HACD2: variants seen among roughly 807,000 people sequenced by gnomAD.
HACD2 encodes 3-hydroxyacyl-CoA dehydratase 2.
Under a neutral mutation model 31.0 loss-of-function variants are expected in HACD2, and 15 were observed. The observed-to-expected ratio is 0.48, with a 90% CI of 0.32 to 0.75. The LOEUF (loss-of-function observed/expected upper bound fraction) is 0.75. HACD2 is among the 30% of genes least tolerant of loss of function. The pLI is 0.03. For missense variants in HACD2, 283 were observed against 313.0 expected (o/e 0.90, Z 0.72); for synonymous variants, 115 against 122.2 (o/e 0.94, Z 0.39).
chr3:123,554,836 C>CA (rs2056657565), intron 3 of HACD2, among the ~76,000 whole-genome samples: 1 of 152,132 alleles, frequency 6.6e-6, no homozygotes, highest in East Asian at 1.9e-4. Context: ...AGATTTAAGA[C>CA]AAAAAAGCAT....
intron 3 of HACD2, among the ~76,000 whole-genome samples, chr3:123,547,813 T>C (rs985255992): frequency 2.0e-5 from 3 of 151,988 alleles, no homozygotes; most frequent in Non-Finnish European, 2.9e-5. Context: ...CTAAGAGCAT[T>C]CTATGCATCA....
At position 123,493,910 on chromosome 3, in the gene HACD2, G is replaced by C. The variant is rs2055799070; in HGVS notation, c.*978C>G. On this transcript the variant is annotated 3_prime_UTR_variant, in exon 7 of 7. Coordinates refer to ENST00000383657, the MANE Select transcript of HACD2 (RefSeq NM_198402.5). ...AAAATTTAAAAATAAAACAATAATGGTGTATAAATCTATTCCTGAATGTTT... is the reference window on the plus strand; with the variant it reads ...AAAATTTAAAAATAAAACAATAATGCTGTATAAATCTATTCCTGAATGTTT... 2 of 152,176 alleles carry C rather than the reference G, an allele frequency of 1.3e-5. No homozygotes were observed. Among genetic ancestry groups the C allele is most frequent in the South Asian group, 4.1e-4 (2 of 4,828 alleles). 9.4% of individuals were successfully genotyped at this position (152,176 alleles called of 1,614,324 possible).
At chr3:123,503,720 A>G (rs2055937216) in intron 4 of HACD2, among the ~76,000 whole-genome samples, 1 of 151,756 alleles carries the variant, frequency 6.6e-6, no homozygotes, top group African/African-American at 2.4e-5. Context: ...AAAAAAAAAA[A>G]AAAAAAGACC....
intron 3 of HACD2, among the ~76,000 whole-genome samples, chr3:123,554,303 TA>T (rs938250340): frequency 2.6e-5 from 4 of 151,668 alleles, no homozygotes; most frequent in African/African-American, 9.7e-5. Flanking sequence ...AAAAATTAAA[TA>T]AGAAAACAGA....
intron 3 of HACD2, among the ~76,000 whole-genome samples, chr3:123,561,131 C>G (rs1158372688): frequency 6.6e-6 from 1 of 152,088 alleles, no homozygotes; most frequent in Non-Finnish European, 1.5e-5. Context: ...TCAGTTAGCT[C>G]TAATTAGTGG....
intron 4 of HACD2, among the ~76,000 whole-genome samples, chr3:123,523,328 G>A (rs1035513040): frequency 2.0e-5 from 3 of 152,200 alleles, no homozygotes; most frequent in South Asian, 2.1e-4. Context: ...CACAAAAGCC[G>A]CTGGCTGCTT....
chr3:123,538,511 A>C (rs549696775), intron 3 of HACD2, among the ~76,000 whole-genome samples: 45 of 152,334 alleles, frequency 3.0e-4, no homozygotes, highest in African/African-American at 1.1e-3. Context: ...CATTGGTAAG[A>C]AGTGTGGGGC....
intron 3 of HACD2, among the ~76,000 whole-genome samples, chr3:123,540,346 G>A (rs1461117432): frequency 6.6e-6 from 1 of 152,148 alleles, no homozygotes; most frequent in East Asian, 1.9e-4. Flanking sequence ...GACCTCTTAA[G>A]GGAATGACTT....
intron 5 of HACD2, 28 bp downstream of exon 5, chr3:123,502,532 G>A: frequency 6.2e-7 from 1 of 1,606,182 alleles, no homozygotes; most frequent in Non-Finnish European, 8.5e-7. Flanking sequence ...CATTTCAAAA[G>A]TGAGCCTTTT....
In HACD2 at chr3:123,494,826, A is replaced by T. The variant is rs776144484; in HGVS notation, c.*62T>A. On this transcript the variant is annotated 3_prime_UTR_variant, in exon 7 of 7. Coordinates refer to ENST00000383657, the MANE Select transcript of HACD2 (RefSeq NM_198402.5). ...TATGAAACGTATTGGGAACTCAAAA[A>T]ATCTGCAGCATTTTTTGATCATTGA... 3.6e-6 allele frequency: 4 copies of T among 1,113,756 alleles called. No individual in the cohort carries two copies. The highest frequency in any genetic ancestry group is 5.3e-6 in the Non-Finnish European group (4 of 756,086). 69.0% of individuals were successfully genotyped at this position (1,113,756 alleles called of 1,614,324 possible). A position where few individuals can be genotyped will look rare whatever the true frequency, so the allele number is the denominator to read the frequency against.
intron 3 of HACD2, among the ~76,000 whole-genome samples, chr3:123,543,208 T>C (rs949548517): frequency 1.3e-5 from 2 of 152,220 alleles, no homozygotes; most frequent in Non-Finnish European, 2.9e-5. Context: ...TTAGAGTTAA[T>C]GAAGTATTGG....
At chr3:123,535,537 T>C (rs2056415205) in intron 3 of HACD2, among the ~76,000 whole-genome samples, 1 of 152,258 alleles carries the variant, frequency 6.6e-6, no homozygotes. Flanking sequence ...AAAGAGATTA[T>C]GGCACAGTCT....
At chr3:123,576,166 C>T (rs1356316095) in intron 2 of HACD2, among the ~76,000 whole-genome samples, 1 of 152,172 alleles carries the variant, frequency 6.6e-6, no homozygotes, top group African/African-American at 2.4e-5. Flanking sequence ...GAAACTCCCG[C>T]CTTTTTTGAA....
chr3:123,581,273 C>T (rs1176048645), intron 2 of HACD2, among the ~76,000 whole-genome samples: 1 of 152,154 alleles, frequency 6.6e-6, no homozygotes, highest in East Asian at 1.9e-4. Flanking sequence ...ATGAAATATA[C>T]GAACTATGGC....
Position 123,508,315 on chromosome 3 carries a change from C to A in HACD2, c.382-5634G>T, listed in dbSNP as rs541421676. 3.3e-5 allele frequency among the ~76,000 whole-genome samples: 5 copies of A among 152,192 alleles called. No homozygotes were observed. The East Asian group carries it at 5.8e-4, about 18-fold the overall frequency. ...CCATGCTGCAGACGGAAGGTTTCCA[C>A]CCCCTGCTCTAAAGCGAGGGAGGAG... On this transcript the variant is annotated intron_variant, in intron 4 of 6. Coordinates refer to ENST00000383657, the MANE Select transcript of HACD2 (RefSeq NM_198402.5).
chr3:123,537,643 GAAT>G (rs1225335404), intron 3 of HACD2, among the ~76,000 whole-genome samples: 1 of 151,180 alleles, frequency 6.6e-6, no homozygotes, highest in Non-Finnish European at 1.5e-5. Flanking sequence ...TTTTTTTGAT[GAAT>G]AATGTTTTTA....
chr3:123,582,212 C>T lies in HACD2; in HGVS notation c.273G>A (p.Glu91=), dbSNP rs770078344. 1 of 1,560,956 alleles carries T rather than the reference C, an allele frequency of 6.4e-7. No individual in the cohort carries two copies. The highest frequency in any genetic ancestry group is 1.2e-5 in the South Asian group (1 of 84,656). Residue 91 remains glutamate (E), a splice_region_variant and synonymous_variant, in exon 2 of 7, where the codon GAG becomes GAA. Coordinates refer to ENST00000383657, the MANE Select transcript of HACD2 (RefSeq NM_198402.5). ...LKFFQTGALL[E]ILHCAIGIVP... is the part of the protein sequence containing the mutation. ...AACAACAATAAATCTCAGGACCTAC[C>T]TCCAATAAGGCTCCAGTTTGAAAGA... is the stretch of plus-strand genomic sequence containing the variant.
intron 3 of HACD2, among the ~76,000 whole-genome samples, chr3:123,555,520 ACT>A (rs1279599611): frequency 6.6e-6 from 1 of 152,182 alleles, no homozygotes; most frequent in Non-Finnish European, 1.5e-5. Context: ...AACACATATA[ACT>A]CTAACAAAAC....
chr3:123,531,069 T>C (rs1281624083), intron 3 of HACD2, among the ~76,000 whole-genome samples: 3 of 151,934 alleles, frequency 2.0e-5, no homozygotes, highest in Non-Finnish European at 2.9e-5. Context: ...GGTTTCACCA[T>C]GTTGGTCAGG....
Sources: allele counts gnomAD v4.1 joint callset (sites outside exome capture counted in the v4.1 genomes callset), GRCh38; gene constraint gnomAD v4.1.1; transcripts MANE v1.5; gene names NCBI Gene and HGNC (gene_info 2026-07-23, HGNC 2026-07-21).